SV2A: variants seen among roughly 807,000 people sequenced by gnomAD.
SV2A encodes synaptic vesicle glycoprotein 2A.
SV2A carries 25 observed loss-of-function variants against 78.0 expected under a neutral mutation model. That is an observed-to-expected ratio of 0.32 (90% CI 0.23 to 0.45). SV2A has a LOEUF of 0.45. Ranked by LOEUF, SV2A falls within the 20% of genes least tolerant of loss-of-function variation. The pLI is 1.00. For synonymous variants in SV2A, 355 were observed against 384.7 expected (o/e 0.92, Z 0.90); for missense variants, 752 against 971.5 (o/e 0.77, Z 3.00).
At position 149,910,703 on chromosome 1, in the gene SV2A, C is replaced by T; in HGVS notation, c.956G>A (p.Gly319Glu). The T allele has an allele frequency of 6.2e-7, 1 of 1,613,784 alleles. No individual in the cohort carries two copies. Among genetic ancestry groups the T allele is most frequent in the Non-Finnish European group, 8.5e-7 (1 of 1,179,846 alleles). The change falls in exon 5 of 13, where the codon GGG (glycine) becomes GAG (glutamate). Residue 319 changes from glycine (G) to glutamate (E), a missense_variant and splice_region_variant. By Grantham distance (98) the Gly-to-Glu change is moderately conservative. Around this residue, in one of 7 missense-constraint regions of SV2A, gnomAD observed 43 missense variants for 70.8 expected, o/e 0.61. Transcript: ENST00000369146. This position sits in a 1 kb window ranked among gnomAD's most constrained non-coding sequence, Gnocchi z 4.2. ...AMAWAIIPHY[G>E]WSFQMGSAYQ... Reference sequence around the variant, plus strand: ...GGCAGAACCCATCTGAAAACTCCACCCTGGTAGGGAGAAAGTGACAGCATC... The same window carrying T: ...GGCAGAACCCATCTGAAAACTCCACTCTGGTAGGGAGAAAGTGACAGCATC...
intron 3 of SV2A, 43 bp downstream of exon 3, chr1:149,911,757 G>A (rs1553763803): frequency 1.9e-6 from 3 of 1,589,142 alleles, no homozygotes; most frequent in Non-Finnish European, 1.7e-6. Context: ...CAGTGACCAA[G>A]GCACAGTCCT....
chr1:149,909,106 C>T, intron 8 of SV2A, 86 bp downstream of exon 8: 1 of 1,338,316 alleles, frequency 7.5e-7, no homozygotes, highest in Non-Finnish European at 1.1e-6. Flanking sequence ...ATCGCTTGTC[C>T]CCTGCATCTC....
Position 149,914,203 on chromosome 1 carries a change from G to C in SV2A, c.-347-16C>G, listed in dbSNP as rs782494295. 1.0e-4 allele frequency: 21 copies of C among 209,488 alleles called. No individual in the cohort carries two copies. Among genetic ancestry groups the C allele is most frequent in the African/African-American group, 4.4e-4 (19 of 43,660 alleles). 13.0% of individuals were successfully genotyped at this position (209,488 alleles called of 1,614,324 possible). A position where few individuals can be genotyped will look rare whatever the true frequency, so the allele number is the denominator to read the frequency against. On this transcript the variant is annotated splice_polypyrimidine_tract_variant and intron_variant, in intron 1 of 12. Coordinates refer to ENST00000369146, the MANE Select transcript of SV2A (RefSeq NM_014849.5). ...CTCTGGAGACCTAGAAAAAATAACA[G>C]ACAGCAAAAGGAAGTTGTGAGTCCT...
At chr1:149,913,174 T>C in intron 2 of SV2A, 45 bp downstream of exon 2, 1 of 1,586,172 alleles carries the variant, frequency 6.3e-7, no homozygotes, top group Non-Finnish European at 8.6e-7. Flanking sequence ...AGCAAGGAGG[T>C]TTCCAGAGTT....
Position 149,906,703 on chromosome 1 carries a change from C to T in SV2A, c.1832G>A (p.Gly611Glu). 6.2e-7 allele frequency: 1 copy of T among 1,614,172 alleles called. No individual in the cohort carries two copies. The highest frequency in any genetic ancestry group is 8.5e-7 in the Non-Finnish European group (1 of 1,180,024). Residue 611 changes from glycine to glutamate, a missense_variant, in exon 11 of 13, where the codon GGG (glycine) becomes GAG (glutamate). Transcript: ENST00000369146. ...SFLGTLAVLP[G>E]NIVSALLMDK... The stretch of plus-strand genomic sequence containing the variant: ...CATGAGCAGGGCAGACACGATATTC[C>T]CAGGAAGCACTGCCAGTGTCCCCAG...
rs1183377193 is a variant in SV2A, at chr1:149,903,770, AAGC to A, written c.*1241_*1243del. 1 of 152,652 alleles carries A rather than the reference AAGC, an allele frequency of 6.6e-6. No homozygotes were observed. The highest frequency in any genetic ancestry group is 1.5e-5 in the Non-Finnish European group (1 of 68,070). The allele number at this position is 152,652 out of a possible 1,614,324, so 9.5% of individuals were successfully genotyped here. On this transcript the variant is annotated 3_prime_UTR_variant, in exon 13 of 13. Coordinates refer to ENST00000369146, the MANE Select transcript of SV2A (RefSeq NM_014849.5). Reference sequence around the variant, plus strand: ...TGGGGTGAGGGGAGGGCACCAAAGAAAGCAGCCACACAGAGTAGGGTGGGATGG... The same window carrying A: ...TGGGGTGAGGGGAGGGCACCAAAGAAAGCCACACAGAGTAGGGTGGGATGG...
chr1:149,913,830 C>A lies in SV2A; in HGVS notation c.11G>T (p.Gly4Val). ...GATGAAAGCTGCCCGGTCTCGGAAG[C>A]CCTCTTCCATGATGGGGCTTGGGGC... The part of the protein sequence containing the change: MEE[G>V]FRDRAAFIRG... The change falls in exon 2 of 13, where the codon GGC becomes GTC. Residue 4 changes from glycine to valine, a missense_variant. Coordinates refer to ENST00000369146, the MANE Select transcript of SV2A (RefSeq NM_014849.5). 6.2e-7 allele frequency: 1 copy of A among 1,607,534 alleles called. No individual in the cohort carries two copies. The highest frequency in any genetic ancestry group is 8.5e-7 in the Non-Finnish European group (1 of 1,175,636).
Position 149,907,806 on chromosome 1 carries a change from C to G in SV2A, c.1572G>C (p.Val524=). ...DKFIGLRLKS[V]SFEDSLFEEC... ...CTTCAAACAGGGAATCCTCAAAGGA[C>G]ACTGACTTGAGCCGCAGCCCAATGA... The change falls in exon 10 of 13, where the codon GTG becomes GTC. Residue 524 remains valine, a synonymous_variant. Transcript: ENST00000369146. 1 of 1,614,150 alleles carries G rather than the reference C, an allele frequency of 6.2e-7. No homozygotes were observed. The highest frequency in any genetic ancestry group is 8.5e-7 in the Non-Finnish European group (1 of 1,180,024).
chr1:149,907,650 A>G (rs2101615118), intron 10 of SV2A, 50 bp downstream of exon 10: 1 of 1,584,378 alleles, frequency 6.3e-7, no homozygotes, highest in East Asian at 2.2e-5. Context: ...CCTTCTCATC[A>G]AGGTCCACCC....
chr1:149,904,824 G>A lies in SV2A; in HGVS notation c.*190C>T, dbSNP rs933392877. The A allele has an allele frequency of 3.7e-5, 22 of 592,372 alleles. No individual in the cohort carries two copies. The highest frequency in any genetic ancestry group is 1.3e-4 in the African/African-American group (7 of 53,474). 36.7% of individuals were successfully genotyped at this position (592,372 alleles called of 1,614,324 possible). A position where few individuals can be genotyped will look rare whatever the true frequency, so the allele number is the denominator to read the frequency against. ...GCTTCATCTCAAAACTGGGATGAAGGAGCCTTCCCTGTAGTCCCTGCCCAC... is the reference window on the plus strand; with the variant it reads ...GCTTCATCTCAAAACTGGGATGAAGAAGCCTTCCCTGTAGTCCCTGCCCAC... On this transcript the variant is annotated 3_prime_UTR_variant, in exon 13 of 13. Transcript: ENST00000369146.
In SV2A at chr1:149,910,783, G is replaced by A. The variant is rs1553763622; in HGVS notation, c.955+43C>T. Reference sequence around the variant, plus strand: ...ACCACAGGGAGCACAGAAGAAGAGGGAGGAGGGAGATAACCTGGGGTGGAT... The same window carrying A: ...ACCACAGGGAGCACAGAAGAAGAGGAAGGAGGGAGATAACCTGGGGTGGAT... On this transcript the variant is annotated intron_variant, in intron 4 of 12. Transcript: ENST00000369146. This position sits in a 1 kb window ranked among gnomAD's most constrained non-coding sequence, Gnocchi z 4.2. The A allele has an allele frequency of 1.2e-6, 2 of 1,611,966 alleles. No homozygotes were observed. Among genetic ancestry groups the A allele is most frequent in the South Asian group, 1.1e-5 (1 of 90,950 alleles).
Position 149,909,521 on chromosome 1 carries a change from C to A in SV2A, c.1230G>T (p.Gln410His), listed in dbSNP as rs1553763378. The A allele has an allele frequency of 1.9e-6, 3 of 1,614,008 alleles. No homozygotes were observed. Among genetic ancestry groups the A allele is most frequent in the African/African-American group, 2.7e-5 (2 of 74,884 alleles). The change falls in exon 7 of 13, where the codon CAG (glutamine) becomes CAT (histidine). Residue 410 changes from glutamine to histidine, a missense_variant. Coordinates refer to ENST00000369146, the MANE Select transcript of SV2A (RefSeq NM_014849.5). The stretch of plus-strand genomic sequence containing the variant: ...GCTGGTACCAGGTCCCTGTGTCCGA[C>A]TGGATCTCAATCAATTCATCCTCCT... ...IHQEDELIEI[Q>H]SDTGTWYQRW...
rs145124135 is a variant in SV2A at position 149,909,606 on chromosome 1, T to A, written c.1180-35A>T. 1,080 of 1,589,702 alleles carry A rather than the reference T, an allele frequency of 6.8e-4. 10 individuals are homozygous for A. The African/African-American group carries it at 0.014, about 20-fold the overall frequency. ...AGAGAAGGGGTGGGCAGTCACACAC[T>A]CTGTGTTTCCCAACATCGGCCAGGC... On this transcript the variant is annotated intron_variant, in intron 6 of 12. Transcript: ENST00000369146.
rs781828594 is a variant in SV2A, at chr1:149,909,238, G to A, written c.1333C>T (p.Arg445Cys). 6.8e-6 allele frequency: 11 copies of A among 1,613,932 alleles called. No homozygotes were observed. The highest frequency in any genetic ancestry group is 2.2e-5 in the East Asian group (1 of 44,866). ...ACACCCATCATCATCAGAGTGATGC[G>A]CCGATATTCGGGACCAAAACAGGAG... is the stretch of plus-strand genomic sequence containing the variant. ...FLSCFGPEYR[R>C]ITLMMMGVWF... The change falls in exon 8 of 13, where the codon CGC becomes TGC. Residue 445 changes from arginine to cysteine, a missense_variant. This residue lies in a region of SV2A where 136 missense variants were observed against 132.3 expected (regional missense o/e 1.03). Coordinates refer to ENST00000369146, the MANE Select transcript of SV2A (RefSeq NM_014849.5).
intron 8 of SV2A, 39 bp downstream of exon 8, chr1:149,909,153 A>T (rs2092458462): frequency 6.3e-7 from 1 of 1,595,608 alleles, no homozygotes; most frequent in Non-Finnish European, 8.6e-7. Flanking sequence ...ACACACCACC[A>T]CAACCACCAC....
chr1:149,908,149 G>C lies in SV2A; in HGVS notation c.1437C>G (p.Asp479Glu). Residue 479 changes from aspartate to glutamate, a missense_variant, in exon 9 of 13, where the codon GAC (aspartate) becomes GAG (glutamate). Asp to Glu is a conservative substitution (Grantham distance 45). Coordinates refer to ENST00000369146, the MANE Select transcript of SV2A (RefSeq NM_014849.5). The part of the protein sequence containing the change: ...PDMIRHLQAV[D>E]YASRTKVFPG... Reference sequence around the variant, plus strand: ...GGAACACTTTGGTGCGGGATGCGTAGTCCACTGCCTGGAGATGGCGGATCA... The same window carrying C: ...GGAACACTTTGGTGCGGGATGCGTACTCCACTGCCTGGAGATGGCGGATCA... 1 of 1,614,214 alleles carries C rather than the reference G, an allele frequency of 6.2e-7. No individual in the cohort carries two copies. Among genetic ancestry groups the C allele is most frequent in the Non-Finnish European group, 8.5e-7 (1 of 1,180,046 alleles).
Position 149,910,270 on chromosome 1 carries a change from G to T in SV2A, c.1089+300C>A, listed in dbSNP as rs1163469566. Among the ~76,000 whole-genome samples, 1 of 152,172 alleles carries T rather than the reference G, an allele frequency of 6.6e-6. No individual in the cohort carries two copies. The highest frequency in any genetic ancestry group is 2.4e-5 in the African/African-American group (1 of 41,440). ...GGGGTTAGGAGGGGAAGGTATAGGG[G>T]GTGGGAATGTCTCTTGAGCTGTAAA... On this transcript the variant is annotated intron_variant, in intron 5 of 12. Transcript: ENST00000369146. The surrounding 1 kb of genome is among the most constrained non-coding windows in gnomAD (Gnocchi z 4.2).
chr1:149,913,136 AG>A, intron 2 of SV2A, 82 bp downstream of exon 2: 1 of 1,535,188 alleles, frequency 6.5e-7, no homozygotes, highest in South Asian at 1.2e-5. Context: ...TAGGGAACCC[AG>A]TGGTAAGGAC....
rs1160545445 is a variant in SV2A, at chr1:149,908,199, C to T, written c.1387G>A (p.Gly463Ser). The T allele has an allele frequency of 6.2e-7, 1 of 1,613,506 alleles. No homozygotes were observed. The highest frequency in any genetic ancestry group is 8.5e-7 in the Non-Finnish European group (1 of 1,179,650). ...ATGTCAGGAAACCAGACGGTCAGGC[C>T]ATAGTAGCTGAAGAGTCAAGGACAA... ...VWFTMSFSYYGLTVWFPDMIR... is the reference protein window; with the variant it reads ...VWFTMSFSYYSLTVWFPDMIR... The change falls in exon 9 of 13, where the codon GGC (glycine) becomes AGC (serine). Residue 463 changes from glycine (G) to serine (S), a missense_variant. Coordinates refer to ENST00000369146, the MANE Select transcript of SV2A (RefSeq NM_014849.5).
Sources: gnomAD v4.1 joint callset for allele counts (sites outside exome capture counted in the v4.1 genomes callset) on GRCh38, gnomAD v4.1.1 for gene constraint, gnomAD v4.1.1 regional missense constraint, Gnocchi (gnomAD v3.1) non-coding constraint, MANE v1.5 for transcripts, NCBI Gene and HGNC (gene_info 2026-07-23, HGNC 2026-07-21) for gene names.